Variants in NTN4 observed in about 807,000 individuals in gnomAD.
NTN4 encodes netrin-4.
A neutral mutation model predicts 73.6 loss-of-function variants in NTN4; 32 were observed. That is an observed-to-expected ratio of 0.44 (90% confidence interval 0.33 to 0.58). The LOEUF is 0.58. Among genes scored for constraint, NTN4 ranks in the 20% least tolerant of loss-of-function variants. The pLI is 0.04. For missense variants in NTN4, 654 were observed against 798.3 expected, an observed-to-expected ratio of 0.82 and a Z score of 2.18; for synonymous variants, 258 against 287.5, an observed-to-expected ratio of 0.90 and a Z score of 1.04.
intron 7 of NTN4, among the ~76,000 whole-genome samples, chr12:95,678,385 GA>G (rs1224977981): frequency 6.7e-6 from 1 of 149,068 alleles, no homozygotes; most frequent in Admixed American, 6.7e-5. Flanking sequence ...TTTGATACCG[GA>G]AAAAAATTAT....
intron 6 of NTN4, 42 bp from the exon 7 acceptor site, chr12:95,682,864 T>C: frequency 8.3e-7 from 1 of 1,200,072 alleles, no homozygotes; most frequent in Non-Finnish European, 1.2e-6. Flanking sequence ...TCAGGAATTT[T>C]TTAGAACTTG....
At chr12:95,769,724 G>A (rs574773760) in intron 2 of NTN4, among the ~76,000 whole-genome samples, 3 of 66,318 alleles carry the variant, frequency 4.5e-5, no homozygotes, top group Admixed American at 1.3e-4. Context: ...GTTGTTACAG[G>A]TGCATACTCC....
intron 5 of NTN4, among the ~76,000 whole-genome samples, chr12:95,699,223 C>G (rs1253270320): frequency 6.6e-6 from 1 of 152,098 alleles, no homozygotes; most frequent in East Asian, 1.9e-4. Flanking sequence ...TTTGCCAAAC[C>G]TACAATTTGA....
At chr12:95,672,936 G>A in intron 7 of NTN4, 1 of 1,125,598 alleles carries the variant, frequency 8.9e-7, no homozygotes, top group South Asian at 1.2e-5. Context: ...TGAACCTGCT[G>A]ACTGGTATTC....
intron 2 of NTN4, among the ~76,000 whole-genome samples, chr12:95,760,780 G>A (rs1478782438): frequency 6.6e-6 from 1 of 150,978 alleles, no homozygotes; most frequent in Non-Finnish European, 1.5e-5. Context: ...ATGAGCAGAA[G>A]CAGAAATCTC....
rs1174318245 is a variant in NTN4 at position 95,741,427 on chromosome 12, TTATATATATATATATATATATATA to T, written c.586-3307_586-3284del. 4.1e-4 allele frequency among the ~76,000 whole-genome samples: 21 copies of T among 51,042 alleles called. 2 individuals are homozygous for T. Among genetic ancestry groups the T allele is most frequent in the East Asian group, 2.7e-3 (3 of 1,120 alleles). 33.5% of individuals were successfully genotyped at this position (51,042 alleles called of 152,430 possible). On this transcript the variant is annotated intron_variant, in intron 2 of 9. Coordinates refer to ENST00000343702, the MANE Select transcript of NTN4 (RefSeq NM_021229.4). ...ACCTATAATGTAAATTATGTATAAA[TTATATATATATATATATATATATA>T]TATATATATATATATATATATATCT...
At chr12:95,692,500 A>G (rs2121023399) in intron 5 of NTN4, among the ~76,000 whole-genome samples, 1 of 152,378 alleles carries the variant, frequency 6.6e-6, no homozygotes, top group East Asian at 1.9e-4. Context: ...TAGAAATTTT[A>G]TCTATAGTTA....
chr12:95,741,438 TATATATATATATATA>T lies in NTN4; in HGVS notation c.586-3309_586-3295del, dbSNP rs2078824230. On this transcript the variant is annotated intron_variant, in intron 2 of 9. Transcript: ENST00000343702. Reference sequence around the variant, plus strand: ...AAATTATGTATAAATTATATATATATATATATATATATATATATATATATATATATATATATCTCC... The same window carrying T: ...AAATTATGTATAAATTATATATATATTATATATATATATATATATATCTCC... Among the ~76,000 whole-genome samples, 286 of 101,050 alleles carry T rather than the reference TATATATATATATATA, an allele frequency of 2.8e-3. 4 individuals are homozygous for T. Among genetic ancestry groups the T allele is most frequent in the African/African-American group, 9.1e-3 (250 of 27,520 alleles). The allele number at this position is 101,050 out of a possible 152,430, so 66.3% of individuals were successfully genotyped here. A position where few individuals can be genotyped will look rare whatever the true frequency, so the allele number is the denominator to read the frequency against.
Position 95,683,386 on chromosome 12 carries a change from G to A in NTN4, c.1394+112C>T, listed in dbSNP as rs374585484. On this transcript the variant is annotated intron_variant, in intron 6 of 9. Coordinates refer to ENST00000343702, the MANE Select transcript of NTN4 (RefSeq NM_021229.4). ...CTGACAAAAATTCTTTAAAAGAGATGTGCAAATACATCTTTGCTCCATTAA... is the reference window on the plus strand; with the variant it reads ...CTGACAAAAATTCTTTAAAAGAGATATGCAAATACATCTTTGCTCCATTAA... 63 of 997,610 alleles carry A rather than the reference G, an allele frequency of 6.3e-5. No individual in the cohort carries two copies. In the East Asian group the frequency reaches 1.2e-3, roughly 20 times the overall value. 61.8% of individuals were successfully genotyped at this position (997,610 alleles called of 1,614,324 possible).
At chr12:95,719,217 G>C (rs547080957) in intron 3 of NTN4, among the ~76,000 whole-genome samples, 1 of 152,198 alleles carries the variant, frequency 6.6e-6, no homozygotes, top group African/African-American at 2.4e-5. Flanking sequence ...GTGCTACTGT[G>C]TCATTATTAT....
intron 5 of NTN4, among the ~76,000 whole-genome samples, chr12:95,698,309 G>A (rs1285089724): frequency 6.6e-6 from 1 of 152,210 alleles, no homozygotes; most frequent in Non-Finnish European, 1.5e-5. Context: ...GTCCATGACA[G>A]CCATTCACCA....
chr12:95,755,128 T>C (rs2078939108), intron 2 of NTN4, among the ~76,000 whole-genome samples: 1 of 152,254 alleles, frequency 6.6e-6, no homozygotes, highest in Non-Finnish European at 1.5e-5. Context: ...AAAATATATG[T>C]AATTCGCAGA....
At chr12:95,727,389 G>A (rs2121138636) in intron 3 of NTN4, among the ~76,000 whole-genome samples, 1 of 152,238 alleles carries the variant, frequency 6.6e-6, no homozygotes, top group African/African-American at 2.4e-5. Flanking sequence ...TGTCTTTTCA[G>A]TTTCTTGATA....
chr12:95,726,216 T>A (rs759950460), intron 3 of NTN4, among the ~76,000 whole-genome samples: 2 of 152,158 alleles, frequency 1.3e-5, no homozygotes, highest in Non-Finnish European at 2.9e-5. Context: ...ACCATCTAAT[T>A]CCACAGCATT....
At chr12:95,738,224 T>A in intron 2 of NTN4, 80 bp from the exon 3 acceptor site, 1 of 1,277,338 alleles carries the variant, frequency 7.8e-7, no homozygotes, top group Non-Finnish European at 1.1e-6. Context: ...AGTCCCTGTT[T>A]GATTTATGCC....
chr12:95,661,846 A>T lies in NTN4; in HGVS notation c.1751-2624T>A, dbSNP rs202221127. On this transcript the variant is annotated intron_variant, in intron 9 of 9. Transcript: ENST00000343702. ...CATAAAAAAGGAACTGTGCTAGAAT[A>T]AAAAAAGAGTTGAAGGACTGAAAAA... Among the ~76,000 whole-genome samples, 11 of 2,244 alleles carry T rather than the reference A, an allele frequency of 4.9e-3. No individual in the cohort carries two copies. In the African/African-American group the frequency reaches 0.16, roughly 33 times the overall value. The allele number at this position is 2,244 out of a possible 152,430, so 1.5% of individuals were successfully genotyped here.
At position 95,682,714 on chromosome 12, in the gene NTN4, T is replaced by G. The variant is rs751961561; in HGVS notation, c.1503A>C (p.Leu501=). 6.2e-7 allele frequency: 1 copy of G among 1,608,610 alleles called. No homozygotes were observed. The highest frequency in any genetic ancestry group is 1.3e-5 in the African/African-American group (1 of 74,768). ...WEDAQGFSAL[L]HSGKCECKEQ... ...TGGTTACATCCATCTCACCTGAGTG[T>G]AGAAGTGCAGAAAACCCCTGCGCAT... The change falls in exon 7 of 10, where the codon CTA becomes CTC. Residue 501 remains leucine (L), a synonymous_variant. Transcript: ENST00000343702.
At chr12:95,785,909 G>A (rs770817815) in intron 2 of NTN4, among the ~76,000 whole-genome samples, 1 of 152,230 alleles carries the variant, frequency 6.6e-6, no homozygotes, top group Admixed American at 6.5e-5. Flanking sequence ...TTTTGGTTGG[G>A]GATGGGGTGG....
intron 7 of NTN4, among the ~76,000 whole-genome samples, chr12:95,676,537 A>G (rs2078274691): frequency 6.6e-6 from 1 of 152,228 alleles, no homozygotes; most frequent in African/African-American, 2.4e-5. Flanking sequence ...GATAATGAAG[A>G]TACTACATAT....
Sources: allele counts gnomAD v4.1 joint callset (sites outside exome capture counted in the v4.1 genomes callset), GRCh38; gene constraint gnomAD v4.1.1; transcripts MANE v1.5; gene names NCBI Gene and HGNC (gene_info 2026-07-23, HGNC 2026-07-21).